Variants in PRR16 observed in about 807,000 individuals in gnomAD.
PRR16 encodes proline rich 16, also known as protein Largen.
Under a neutral mutation model 18.2 loss-of-function variants are expected in PRR16, and 6 were observed. The observed-to-expected ratio is 0.33, with a 90% CI of 0.18 to 0.65. The LOEUF (loss-of-function observed/expected upper bound fraction) is 0.65, where lower values mean the gene tolerates loss of function less well. Among genes scored for constraint, PRR16 ranks in the 30% least tolerant of loss-of-function variants. PRR16 has a pLI of 0.74. For synonymous variants in PRR16, 151 were observed against 147.8 expected (o/e 1.02, Z -0.16); for missense variants, 412 against 376.6 (o/e 1.09, Z -0.78).
intron 1 of PRR16, among the ~76,000 whole-genome samples, chr5:120,583,945 T>G (rs998290996): frequency 3.9e-5 from 6 of 152,180 alleles, no homozygotes; most frequent in African/African-American, 7.2e-5. Context: ...TTACTAAGTA[T>G]CTGTTATGGG....
At chr5:120,754,462 G>C in the PRR16 span, among the ~76,000 whole-genome samples, 36 of 53,948 alleles carry the variant, frequency 6.7e-4, 1 homozygote, top group East Asian at 1.9e-3. Flanking sequence ...ATAATATATA[G>C]TATATAGTAT....
intron 1 of PRR16, among the ~76,000 whole-genome samples, chr5:120,610,066 C>T (rs1158143484): frequency 6.6e-6 from 1 of 152,132 alleles, no homozygotes; most frequent in African/African-American, 2.4e-5. Context: ...AGCACCTATA[C>T]CGTTATCCTG....
the PRR16 span, among the ~76,000 whole-genome samples, chr5:120,792,378 T>TTTGA: frequency 6.6e-6 from 1 of 152,184 alleles, no homozygotes; most frequent in Non-Finnish European, 1.5e-5. Context: ...TCTCTTAAGT[T>TTTGA]TTGATTATAT....
intron 1 of PRR16, among the ~76,000 whole-genome samples, chr5:120,508,676 C>G (rs865943372): frequency 6.6e-6 from 1 of 152,198 alleles, no homozygotes; most frequent in Middle Eastern, 3.4e-3. Context: ...CTTTAATTAA[C>G]AGAGACTTAT....
At chr5:120,673,463 A>G (rs1756684136) in intron 1 of PRR16, among the ~76,000 whole-genome samples, 1 of 152,374 alleles carries the variant, frequency 6.6e-6, no homozygotes, top group Admixed American at 6.5e-5. Context: ...TATAGAGTTA[A>G]AATTTTTACA....
rs1045110570 is a variant in PRR16, at chr5:120,464,384, G to T, written c.-103G>T. 4 of 1,334,052 alleles carry T rather than the reference G, an allele frequency of 3.0e-6. No individual in the cohort carries two copies. Among genetic ancestry groups the T allele is most frequent in the East Asian group, 5.3e-5 (2 of 37,946 alleles). 82.6% of individuals were successfully genotyped at this position (1,334,052 alleles called of 1,614,324 possible). A position where few individuals can be genotyped will look rare whatever the true frequency, so the allele number is the denominator to read the frequency against. Reference sequence around the variant, plus strand: ...GCTGCCCAGGGAGCGCCCAAGATGTGGGGGGACCGGGGCGGCAGCGGCCGT... The same window carrying T: ...GCTGCCCAGGGAGCGCCCAAGATGTTGGGGGACCGGGGCGGCAGCGGCCGT... On this transcript the variant is annotated 5_prime_UTR_variant, in exon 1 of 2. Transcript: ENST00000407149.
intron 1 of PRR16, among the ~76,000 whole-genome samples, chr5:120,671,254 T>G (rs1305241951): frequency 6.6e-6 from 1 of 152,170 alleles, no homozygotes; most frequent in Non-Finnish European, 1.5e-5. Context: ...TTTCTACCTC[T>G]TCTCTCAAAG....
chr5:120,669,930 A>G (rs769640396), intron 1 of PRR16, among the ~76,000 whole-genome samples: 12 of 152,200 alleles, frequency 7.9e-5, no homozygotes, highest in South Asian at 4.1e-4. Context: ...AAGATAAACA[A>G]CGGCGTTTAT....
chr5:120,752,459 A>T, the PRR16 span, among the ~76,000 whole-genome samples: 1 of 151,970 alleles, frequency 6.6e-6, no homozygotes, highest in Admixed American at 6.6e-5. Flanking sequence ...ACATTTGTAC[A>T]TGAGAGACAT....
chr5:120,651,804 C>T lies in PRR16; in HGVS notation c.160-34150C>T, dbSNP rs868267206. On this transcript the variant is annotated intron_variant, in intron 1 of 1. Coordinates refer to ENST00000407149, the MANE Select transcript of PRR16 (RefSeq NM_001300783.2). ...TTCTTTTGGCTTAGGATTGACTTGG[C>T]GATGTGGGCTCTTTTTTGGTTCCAT... 5.6e-4 allele frequency among the ~76,000 whole-genome samples: 85 copies of T among 152,072 alleles called. 1 individual carries two copies. The Middle Eastern group carries it at 0.01, about 18-fold the overall frequency.
At chr5:120,721,010 CGAAAAA>C in the PRR16 span, among the ~76,000 whole-genome samples, 1 of 151,846 alleles carries the variant, frequency 6.6e-6, no homozygotes, top group African/African-American at 2.4e-5. Context: ...CACCATTTAC[CGAAAAA>C]GGTTATATTG....
chr5:120,564,628 G>C (rs981436735), intron 1 of PRR16, among the ~76,000 whole-genome samples: 1 of 152,140 alleles, frequency 6.6e-6, no homozygotes, highest in South Asian at 2.1e-4. Context: ...CCACTATTGG[G>C]GGGTGGAAAG....
chr5:120,487,881 C>G (rs891280675), intron 1 of PRR16, among the ~76,000 whole-genome samples: 8 of 152,126 alleles, frequency 5.3e-5, no homozygotes, highest in Non-Finnish European at 1.0e-4. Flanking sequence ...TTGTCAAAGG[C>G]CTTTTCTGCA....
the PRR16 span, among the ~76,000 whole-genome samples, chr5:120,699,154 A>G: frequency 0.95 from 144,349 of 151,902 alleles, 68,917 homozygotes; most frequent in East Asian, 1. Flanking sequence ...GGGAAGGGAG[A>G]GGGCCTGAAT....
At chr5:120,746,270 A>T in the PRR16 span, among the ~76,000 whole-genome samples, 1 of 152,096 alleles carries the variant, frequency 6.6e-6, no homozygotes, top group Non-Finnish European at 1.5e-5. Flanking sequence ...AGCTAATGAT[A>T]CTGAGGGAAA....
chr5:120,759,150 G>A, the PRR16 span, among the ~76,000 whole-genome samples: 1 of 151,552 alleles, frequency 6.6e-6, no homozygotes, highest in Non-Finnish European at 1.5e-5. Flanking sequence ...CTAATTTTTT[G>A]TATTTTTAGT....
the PRR16 span, among the ~76,000 whole-genome samples, chr5:120,766,635 C>G: frequency 6.6e-6 from 1 of 151,910 alleles, no homozygotes; most frequent in Non-Finnish European, 1.5e-5. Context: ...TTCCATTGCA[C>G]TGATTTTCTA....
intron 1 of PRR16, among the ~76,000 whole-genome samples, chr5:120,619,226 GAC>G (rs1754609374): frequency 6.6e-6 from 1 of 152,016 alleles, no homozygotes; most frequent in Non-Finnish European, 1.5e-5. Context: ...GCACTTATCA[GAC>G]AGACACATCT....
At chr5:120,743,999 A>T in the PRR16 span, among the ~76,000 whole-genome samples, 2 of 151,736 alleles carry the variant, frequency 1.3e-5, no homozygotes, top group Non-Finnish European at 2.9e-5. Context: ...TTTCCTTTTC[A>T]TCTCTTTCTG....
Sources: gnomAD v4.1 joint callset for allele counts (sites outside exome capture counted in the v4.1 genomes callset) on GRCh38, gnomAD v4.1.1 for gene constraint, MANE v1.5 for transcripts, NCBI Gene and HGNC (gene_info 2026-07-23, HGNC 2026-07-21) for gene names.